Variants in OTOG observed in about 807,000 individuals in gnomAD.
OTOG encodes the protein otogelin.
A neutral mutation model predicts 313.8 loss-of-function variants in OTOG; 296 were observed. The ratio of observed to expected loss-of-function variants is 0.94; its 90% CI spans 0.86 to 1.04. The LOEUF is 1.04. Ranked by LOEUF, OTOG falls within the 50% of genes least tolerant of loss-of-function variation. The pLI is 0.00. For synonymous variants in OTOG, 1,533 were observed against 1,554.9 expected, an observed-to-expected ratio of 0.99 and a Z score of 0.33; for missense variants, 3,948 against 3,840.1, an observed-to-expected ratio of 1.03 and a Z score of -0.74.
At chr11:17,589,493 G>C (rs1373736586) in intron 24 of OTOG, among the ~76,000 whole-genome samples, 1 of 152,168 alleles carries the variant, frequency 6.6e-6, no homozygotes, top group Non-Finnish European at 1.5e-5. Context: ...TCCTTCACTT[G>C]TCCTTTGGGT....
At chr11:17,593,137 C>T (rs1290791492) in intron 25 of OTOG, 56 bp from the exon 26 acceptor site, 3 of 1,499,430 alleles carry the variant, frequency 2.0e-6, no homozygotes, top group East Asian at 4.9e-5. Context: ...CTCTGTACCT[C>T]TTGGCAGGAT....
Position 17,560,719 on chromosome 11 carries a change from C to T in OTOG, c.1353C>T (p.Phe451=), listed in dbSNP as rs189947237. Residue 451 remains phenylalanine (F), a synonymous_variant, in exon 13 of 56, where the codon TTC becomes TTT. Coordinates refer to ENST00000399397, the MANE Select transcript of OTOG (RefSeq NM_001292063.2). ...DGCYCPNGLI[F]EDGGCVAPAE... ...TTGCTGTCACTCTAGGGCTCATCTTCGAGGATGGGGGCTGCGTGGCACCAG... is the reference window on the plus strand; with the variant it reads ...TTGCTGTCACTCTAGGGCTCATCTTTGAGGATGGGGGCTGCGTGGCACCAG... 32 of 1,550,306 alleles carry T rather than the reference C, an allele frequency of 2.1e-5. No homozygotes were observed. The East Asian group carries it at 2.9e-4, about 14-fold the overall frequency.
chr11:17,613,032 C>G (rs78563923), intron 38 of OTOG, among the ~76,000 whole-genome samples: 347 of 152,244 alleles, frequency 2.3e-3, no homozygotes, highest in African/African-American at 7.9e-3. Flanking sequence ...GGAGGGATGG[C>G]ACAGTAGTGC....
In OTOG at chr11:17,610,097, T is replaced by G. The variant is rs1340642265; in HGVS notation, c.4797T>G (p.Pro1599=). ...TGACTGTGATCTTTGCAGGAAGCCC[T>G]AACATCACAGTCTCCTCCCGGTCGC... ...TRVTVIFAGS[P]NITVSSRSPP... is the part of the protein sequence containing the mutation. Residue 1599 remains proline (P), a synonymous_variant, in exon 36 of 56, where the codon CCT becomes CCG. Transcript: ENST00000399397. 1.3e-6 allele frequency: 2 copies of G among 1,550,428 alleles called. No homozygotes were observed. The highest frequency in any genetic ancestry group is 4.9e-5 in the East Asian group (2 of 40,912).
intron 1 of OTOG, chr11:17,547,693 C>T (rs183815294): frequency 2.6e-6 from 2 of 777,066 alleles, no homozygotes; most frequent in Non-Finnish European, 3.5e-6. Flanking sequence ...GTGGAAGAGA[C>T]CCGAGGTGGG....
rs1226122703 is a variant in OTOG at position 17,609,745 on chromosome 11, A to T, written c.4445A>T (p.Glu1482Val). The change falls in exon 36 of 56, where the codon GAG (glutamate) becomes GTG (valine). Residue 1482 changes from glutamate to valine, a missense_variant. Transcript: ENST00000399397. ...GGGTTGCCCACTCCCAGTGATGAGG[A>T]GCCACAGCTGTCACAGGAAAGCCCC... ...SQGLPTPSDEEPQLSQESPRT... is the reference protein window; with the variant it reads ...SQGLPTPSDEVPQLSQESPRT... The T allele has an allele frequency of 1.4e-5, 21 of 1,548,256 alleles. No individual in the cohort carries two copies. The highest frequency in any genetic ancestry group is 1.8e-5 in the Non-Finnish European group (21 of 1,145,910).
intron 36 of OTOG, 52 bp from the exon 37 acceptor site, chr11:17,612,110 G>A (rs1853568491): frequency 6.5e-7 from 1 of 1,541,004 alleles, no homozygotes; most frequent in Admixed American, 2.0e-5. Flanking sequence ...AGCTTGCAGG[G>A]TGGGCTGTAG....
intron 30 of OTOG, among the ~76,000 whole-genome samples, chr11:17,599,180 T>A (rs953943500): frequency 2.6e-5 from 4 of 152,192 alleles, no homozygotes; most frequent in Non-Finnish European, 5.9e-5. Flanking sequence ...ACAGCTCGGC[T>A]GGTGGAAGCG....
At chr11:17,548,102 G>T in intron 2 of OTOG, 50 bp from the exon 3 acceptor site, 1 of 1,523,654 alleles carries the variant, frequency 6.6e-7, no homozygotes, top group South Asian at 1.3e-5. Flanking sequence ...CTGCGGGGAG[G>T]CATAACCCAT....
chr11:17,611,566 T>C (rs956368632), intron 36 of OTOG, 143 bp downstream of exon 36: 7 of 924,506 alleles, frequency 7.6e-6, no homozygotes, highest in South Asian at 5.4e-5. Flanking sequence ...AGTCTCCTAT[T>C]GGCCCCTGAT....
chr11:17,613,951 G>A (rs561953446), intron 39 of OTOG, among the ~76,000 whole-genome samples: 81 of 152,290 alleles, frequency 5.3e-4, no homozygotes, highest in African/African-American at 1.9e-3. Context: ...CAGAGAAAAA[G>A]TCGGAAAGGC....
intron 39 of OTOG, among the ~76,000 whole-genome samples, chr11:17,618,453 C>T (rs1296191999): frequency 6.6e-6 from 1 of 152,076 alleles, no homozygotes; most frequent in African/African-American, 2.4e-5. Context: ...CATAATTTGT[C>T]TAACTTGAAT....
Position 17,633,690 on chromosome 11 carries a change from C to A in OTOG, c.7083C>A (p.Cys2361Ter). The change falls in exon 43 of 56, where the codon TGC becomes TGA. Residue 2361 changes from cysteine (C) to a stop codon, truncating the protein, a stop_gained. Coordinates refer to ENST00000399397, the MANE Select transcript of OTOG (RefSeq NM_001292063.2). LOFTEE classifies it high-confidence loss of function. The part of the protein sequence containing the change: ...WRRSDYCPFL[C>*]SSDSTYQACV... ...ACTGTGCCCCTGCAGCCTTCCTGTGCTCCAGCGACTCCACATACCAGGCAT... is the reference window on the plus strand; with the variant it reads ...ACTGTGCCCCTGCAGCCTTCCTGTGATCCAGCGACTCCACATACCAGGCAT... 6.5e-7 allele frequency: 1 copy of A among 1,536,770 alleles called. No homozygotes were observed. Among genetic ancestry groups the A allele is most frequent in the Non-Finnish European group, 8.8e-7 (1 of 1,139,846 alleles).
intron 24 of OTOG, among the ~76,000 whole-genome samples, chr11:17,589,184 C>T (rs1214584816): frequency 6.6e-6 from 1 of 152,146 alleles, no homozygotes; most frequent in African/African-American, 2.4e-5. Context: ...GCTTCCAGCT[C>T]TCGTTTTAAA....
Position 17,609,726 on chromosome 11 carries a change from C to A in OTOG, c.4426C>A (p.Pro1476Thr). ...GACCCTCCCTCCCAGTCAAGGGTTGCCCACTCCCAGTGATGAGGAGCCACA... is the reference window on the plus strand; with the variant it reads ...GACCCTCCCTCCCAGTCAAGGGTTGACCACTCCCAGTGATGAGGAGCCACA... ...NETLPPSQGLPTPSDEEPQLS... is the reference protein window; with the variant it reads ...NETLPPSQGLTTPSDEEPQLS... Residue 1476 changes from proline to threonine, a missense_variant, in exon 36 of 56, where the codon CCC becomes ACC. Physicochemically the swap from Pro to Thr is conservative, Grantham distance 38. Transcript: ENST00000399397. 1.3e-6 allele frequency: 2 copies of A among 1,543,728 alleles called. No homozygotes were observed. The highest frequency in any genetic ancestry group is 2.4e-5 in the South Asian group (2 of 82,688).
At chr11:17,613,265 TTCTC>T (rs200487464) in intron 38 of OTOG, among the ~76,000 whole-genome samples, 3 of 138,692 alleles carry the variant, frequency 2.2e-5, no homozygotes, top group East Asian at 2.1e-4. Context: ...CTTTCTTTCT[TTCTC>T]TCTCTGTCTG....
Position 17,634,181 on chromosome 11 carries a change from T to C in OTOG, c.7380T>C (p.Asp2460=), listed in dbSNP as rs532385451. The C allele has an allele frequency of 3.9e-6, 6 of 1,550,258 alleles. No individual in the cohort carries two copies. The South Asian group carries it at 6.0e-5, about 15-fold the overall frequency. The change falls in exon 44 of 56, where the codon GAT becomes GAC. Residue 2460 remains aspartate, a synonymous_variant. Coordinates refer to ENST00000399397, the MANE Select transcript of OTOG (RefSeq NM_001292063.2). ...CCCCAGACACCATTGTCCCGGTGGA[T>C]CTGGGCTGCCCCAGTCCCCGCCCTG... ...CQAPDTIVPV[D]LGCPSPRPES...
In OTOG at chr11:17,610,666, C is replaced by T. The variant is rs1225797743; in HGVS notation, c.5366C>T (p.Ser1789Phe). 6.4e-7 allele frequency: 1 copy of T among 1,550,716 alleles called. No individual in the cohort carries two copies. The highest frequency in any genetic ancestry group is 1.2e-5 in the South Asian group (1 of 84,056). The change falls in exon 36 of 56, where the codon TCC (serine) becomes TTC (phenylalanine). Residue 1789 changes from serine to phenylalanine, a missense_variant. Transcript: ENST00000399397. ...GGGCTGGCAGCCACACCCTTCATGT[C>T]CCTTGAGTCAACTCGTCCCTCCCAG... ...TDGLAATPFM[S>F]LESTRPSQLL...
rs369734155 is a variant in OTOG at position 17,605,750 on chromosome 11, G to T, written c.3878-107G>T. 129 of 1,270,054 alleles carry T rather than the reference G, an allele frequency of 1.0e-4. No homozygotes were observed. In the African/African-American group the frequency reaches 1.7e-3, roughly 17 times the overall value. 78.7% of individuals were successfully genotyped at this position (1,270,054 alleles called of 1,614,324 possible). A position where few individuals can be genotyped will look rare whatever the true frequency, so the allele number is the denominator to read the frequency against. The stretch of plus-strand genomic sequence containing the variant: ...GGGCAGGGCCTGCTGGTCTGCAGGC[G>T]TGCTGCCATCCAGAGTCGCTGAGAG... On this transcript the variant is annotated intron_variant, in intron 32 of 55. Coordinates refer to ENST00000399397, the MANE Select transcript of OTOG (RefSeq NM_001292063.2).
Sources: gnomAD v4.1 joint callset for allele counts (sites outside exome capture counted in the v4.1 genomes callset) on GRCh38, gnomAD v4.1.1 for gene constraint, MANE v1.5 for transcripts, NCBI Gene and HGNC (gene_info 2026-07-23, HGNC 2026-07-21) for gene names.